The following LUZP2 variants were observed in gnomAD, a reference collection of about 807,000 sequenced individuals.
The protein encoded by LUZP2 is leucine zipper protein 2.
A neutral mutation model predicts 51.6 loss-of-function variants in LUZP2; 52 were observed. The ratio of observed to expected loss-of-function variants is 1.01; its 90% CI spans 0.81 to 1.27. The LOEUF (loss-of-function observed/expected upper bound fraction) is 1.27. Among genes scored for constraint, LUZP2 ranks in the 50% most tolerant of loss-of-function variants. The pLI, the probability that LUZP2 is intolerant of heterozygous loss-of-function variation, is 0.00. For synonymous variants in LUZP2, 154 were observed against 137.3 expected (o/e 1.12, Z -0.85); for missense variants, 436 against 395.4 (o/e 1.10, Z -0.87).
intron 1 of LUZP2, among the ~76,000 whole-genome samples, chr11:24,501,344 C>T (rs1242760325): frequency 6.6e-6 from 1 of 152,186 alleles, no homozygotes; most frequent in Non-Finnish European, 1.5e-5. Flanking sequence ...ATGATAGGGA[C>T]ATCTCAAATA....
chr11:24,939,509 T>C (rs1396574191), intron 7 of LUZP2, among the ~76,000 whole-genome samples: 1 of 152,062 alleles, frequency 6.6e-6, no homozygotes, highest in Non-Finnish European at 1.5e-5. Context: ...TTGAAGGCAT[T>C]GCACCAATGT....
chr11:25,002,042 G>A (rs1027319313), intron 9 of LUZP2, among the ~76,000 whole-genome samples: 2 of 152,218 alleles, frequency 1.3e-5, no homozygotes, highest in South Asian at 2.1e-4. Context: ...TCCCCCAGAG[G>A]TTAGGAACTC....
intron 1 of LUZP2, among the ~76,000 whole-genome samples, chr11:24,640,627 T>C (rs183280026): frequency 6.6e-6 from 1 of 152,072 alleles, no homozygotes; most frequent in East Asian, 1.9e-4. Context: ...AATATCGTGT[T>C]ATTTGTATCA....
At chr11:25,066,149 G>A (rs1414945529) in intron 10 of LUZP2, among the ~76,000 whole-genome samples, 2 of 146,294 alleles carry the variant, frequency 1.4e-5, no homozygotes, top group Non-Finnish European at 3.0e-5. Flanking sequence ...TCTTCTCGGG[G>A]GATTTTATTT....
rs539578320 is a variant in LUZP2 at position 24,706,503 on chromosome 11, T to C, written c.63-22666T>C. ...TCCTTTTTCCAACCAAATTCTGCAT[T>C]CTGCCCTTGTTTCCATTCTCTTCCT... On this transcript the variant is annotated intron_variant, in intron 1 of 11. Coordinates refer to ENST00000336930, the MANE Select transcript of LUZP2 (RefSeq NM_001009909.4). Among the ~76,000 whole-genome samples the C allele has an allele frequency of 4.6e-5, 7 of 152,276 alleles. No homozygotes were observed. The South Asian group carries it at 1.5e-3, about 32-fold the overall frequency.
chr11:24,748,310 C>T (rs916742402), intron 4 of LUZP2, among the ~76,000 whole-genome samples: 1 of 152,234 alleles, frequency 6.6e-6, no homozygotes, highest in East Asian at 1.9e-4. Flanking sequence ...GCAAACTGCT[C>T]CTTCAGTTTC....
At position 24,498,265 on chromosome 11, in the gene LUZP2, A is replaced by T. The variant is rs181144079; in HGVS notation, c.62+960A>T. Among the ~76,000 whole-genome samples, 5 of 152,336 alleles carry T rather than the reference A, an allele frequency of 3.3e-5. No homozygotes were observed. The East Asian group carries it at 9.6e-4, about 29-fold the overall frequency. On this transcript the variant is annotated intron_variant, in intron 1 of 11. Coordinates refer to ENST00000336930, the MANE Select transcript of LUZP2 (RefSeq NM_001009909.4). ...ACAGGATGAAGATCCTTTCAAGTCT[A>T]CGTGAATAGAAACATTATTTGATTG...
chr11:24,661,193 A>C (rs987114840), intron 1 of LUZP2, among the ~76,000 whole-genome samples: 1 of 152,130 alleles, frequency 6.6e-6, no homozygotes, highest in Admixed American at 6.6e-5. Flanking sequence ...TACTCTAAAA[A>C]TACAACATGT....
At chr11:24,965,696 G>A (rs1855561925) in intron 7 of LUZP2, among the ~76,000 whole-genome samples, 1 of 151,670 alleles carries the variant, frequency 6.6e-6, no homozygotes, top group Admixed American at 6.6e-5. Flanking sequence ...TTTGAAGAGA[G>A]GTTTAGGAAG....
chr11:24,721,341 AAAGAAAAAG>A (rs1328678871), intron 1 of LUZP2, among the ~76,000 whole-genome samples: 4 of 63,418 alleles, frequency 6.3e-5, no homozygotes, highest in Non-Finnish European at 1.3e-4. Context: ...TGATAATGTA[AAAGAAAAAG>A]AAGAAGAATA....
At chr11:25,051,626 T>C (rs891293426) in intron 10 of LUZP2, among the ~76,000 whole-genome samples, 4 of 152,194 alleles carry the variant, frequency 2.6e-5, no homozygotes, top group East Asian at 3.9e-4. Context: ...ACAGCAATCA[T>C]TGAAGACTAG....
At chr11:24,640,938 T>A (rs913075433) in intron 1 of LUZP2, among the ~76,000 whole-genome samples, 3 of 150,420 alleles carry the variant, frequency 2.0e-5, no homozygotes, top group Non-Finnish European at 4.4e-5. Context: ...TATATGTATG[T>A]ATGTGTATAT....
intron 5 of LUZP2, among the ~76,000 whole-genome samples, chr11:24,855,869 C>T (rs1851550967): frequency 6.6e-6 from 1 of 152,094 alleles, no homozygotes; most frequent in Non-Finnish European, 1.5e-5. Flanking sequence ...AAAGGACAAA[C>T]TTTTCAATAA....
intron 1 of LUZP2, among the ~76,000 whole-genome samples, chr11:24,710,942 AGGAAGGAAAGGAGGGAGGGAGGGGAG>A (rs1209366515): frequency 7.2e-6 from 1 of 139,130 alleles, no homozygotes; most frequent in African/African-American, 2.6e-5. Context: ...GAAGGGAGGA[AGGAAGGAAAGGAGGGAGGGAGGGGAG>A]GGGAGGAAAG....
At chr11:24,999,432 GGAA>G (rs1856610591) in intron 9 of LUZP2, among the ~76,000 whole-genome samples, 1 of 149,692 alleles carries the variant, frequency 6.7e-6, no homozygotes, top group Non-Finnish European at 1.5e-5. Context: ...AGGAGGAGGA[GGAA>G]GAAGGAGGAG....
At chr11:24,598,720 A>G (rs1426719002) in intron 1 of LUZP2, among the ~76,000 whole-genome samples, 2 of 152,326 alleles carry the variant, frequency 1.3e-5, no homozygotes, top group Non-Finnish European at 2.9e-5. Flanking sequence ...GAGGCTTGCA[A>G]TAGCCAGGAA....
intron 1 of LUZP2, among the ~76,000 whole-genome samples, chr11:24,696,066 T>C (rs1288928168): frequency 6.6e-5 from 10 of 152,048 alleles, no homozygotes; most frequent in African/African-American, 2.4e-4. Context: ...GGAAGGACAG[T>C]AATAGACCTT....
At chr11:24,819,192 G>A (rs1564987) in intron 5 of LUZP2, among the ~76,000 whole-genome samples, 130,886 of 151,996 alleles carry the variant, frequency 0.86, 58,747 homozygotes, top group East Asian at 1. Context: ...CTAGCACAGC[G>A]TGTTTGGAAA....
intron 5 of LUZP2, among the ~76,000 whole-genome samples, chr11:24,782,438 C>G (rs1423746053): frequency 1.3e-5 from 2 of 151,714 alleles, no homozygotes; most frequent in African/African-American, 4.8e-5. Flanking sequence ...TGCCAGGACT[C>G]AATGATGGAT....
Sources: gnomAD v4.1 joint callset for allele counts (sites outside exome capture counted in the v4.1 genomes callset) on GRCh38, gnomAD v4.1.1 for gene constraint, MANE v1.5 for transcripts, NCBI Gene and HGNC (gene_info 2026-07-23, HGNC 2026-07-21) for gene names.